DPEP3: variants seen among roughly 807,000 people sequenced by gnomAD.
The protein encoded by DPEP3 is membrane-bound dipeptidase 3.
DPEP3 carries 42 observed loss-of-function variants against 47.5 expected under a neutral mutation model. That is an observed-to-expected ratio of 0.88 (90% confidence interval 0.69 to 1.14). The LOEUF (loss-of-function observed/expected upper bound fraction) is 1.14, where lower values mean the gene tolerates loss of function less well. DPEP3 is among the 50% of genes most tolerant of loss of function. The pLI, the probability that DPEP3 is intolerant of heterozygous loss-of-function variation, is 0.00. For synonymous variants in DPEP3, 276 were observed against 270.2 expected (o/e 1.02, Z -0.21); for missense variants, 560 against 635.0 (o/e 0.88, Z 1.27).
Position 67,979,782 on chromosome 16 carries a change from C to A in DPEP3, c.288-17G>T. 5.6e-6 allele frequency: 9 copies of A among 1,613,140 alleles called. No homozygotes were observed. The highest frequency in any genetic ancestry group is 7.6e-6 in the Non-Finnish European group (9 of 1,179,676). On this transcript the variant is annotated splice_polypyrimidine_tract_variant and intron_variant, in intron 1 of 9. Coordinates refer to ENST00000268793, the MANE Select transcript of DPEP3 (RefSeq NM_001370198.1). ...TCATTGTGGCTGGGGGTGTGAAGGTCAGATGGAAACACCGCCTCCAGATCA... is the reference window on the plus strand; with the variant it reads ...TCATTGTGGCTGGGGGTGTGAAGGTAAGATGGAAACACCGCCTCCAGATCA...
At position 67,976,646 on chromosome 16, in the gene DPEP3, TA is replaced by T. The variant is rs935026329; in HGVS notation, c.1094+53del. The T allele has an allele frequency of 8.9e-5, 139 of 1,557,862 alleles. No homozygotes were observed. The African/African-American group carries it at 1.6e-3, about 18-fold the overall frequency. On this transcript the variant is annotated intron_variant, in intron 8 of 9. Transcript: ENST00000268793. ...AGGACGTCAGGATGGGAATGAAGAC[TA>T]AAGGACTCCCTGCTGCACCCCAGCC...
Position 67,979,762 on chromosome 16 carries a change from G to A in DPEP3, c.291C>T (p.His97=), listed in dbSNP as rs1311409075. The A allele has an allele frequency of 6.2e-7, 1 of 1,613,792 alleles. No homozygotes were observed. Among genetic ancestry groups the A allele is most frequent in the Non-Finnish European group, 8.5e-7 (1 of 1,179,848 alleles). ...GTCTCAGGACCTGGGGCAGGTCATT[G>A]TGGCTGGGGGTGTGAAGGTCAGATG... ...LMRSFPLVDG[H]NDLPQVLRQR... Residue 97 remains histidine, a synonymous_variant, in exon 2 of 10, where the codon CAC becomes CAT. Coordinates refer to ENST00000268793, the MANE Select transcript of DPEP3 (RefSeq NM_001370198.1).
In DPEP3 at chr16:67,978,531, G is replaced by A; in HGVS notation, c.510C>T (p.Ser170=). The A allele has an allele frequency of 1.2e-6, 2 of 1,614,130 alleles. No individual in the cohort carries two copies. Among genetic ancestry groups the A allele is most frequent in the Non-Finnish European group, 1.7e-6 (2 of 1,179,996 alleles). The change falls in exon 3 of 10, where the codon TCC becomes TCT. Residue 170 remains serine, a synonymous_variant. Transcript: ENST00000268793. The surrounding 1 kb of genome is among the most constrained non-coding windows in gnomAD (Gnocchi z 4.4). ...QIDLIHRMCA[S]YSELELVTSA... is the part of the protein sequence containing the mutation. ...AGGTCACAAGCTCGAGTTCAGAGTA[G>A]GAGGCACACATGCGGTGAATGAGGT...
At chr16:67,979,872 C>A (rs2031284916) in intron 1 of DPEP3, 107 bp from the exon 2 acceptor site, 4 of 1,500,812 alleles carry the variant, frequency 2.7e-6, no homozygotes, top group Admixed American at 2.1e-5. Flanking sequence ...CTCACACAGA[C>A]CATATAGAGA....
chr16:67,980,386 G>T lies in DPEP3; in HGVS notation c.-6C>A. ...TCGCGGCCCGTGGGCTGCATGTTGC[G>T]CGGGGGTCGGCCGCGGGAGCCTGGG... On this transcript the variant is annotated 5_prime_UTR_variant, in exon 1 of 10. Coordinates refer to ENST00000268793, the MANE Select transcript of DPEP3 (RefSeq NM_001370198.1). 1 of 1,515,988 alleles carries T rather than the reference G, an allele frequency of 6.6e-7. No homozygotes were observed. The highest frequency in any genetic ancestry group is 8.8e-7 in the Non-Finnish European group (1 of 1,131,908). The allele number at this position is 1,515,988 out of a possible 1,614,324, so 93.9% of individuals were successfully genotyped here.
chr16:67,977,928 G>A lies in DPEP3; in HGVS notation c.756+10C>T, dbSNP rs753964540. Reference sequence around the variant, plus strand: ...GCAGGTGGGTTGGGGTACAAAACAGGAGTCCTCACCTCACCAAAGCTTGTC... The same window carrying A: ...GCAGGTGGGTTGGGGTACAAAACAGAAGTCCTCACCTCACCAAAGCTTGTC... On this transcript the variant is annotated intron_variant, in intron 5 of 9. Transcript: ENST00000268793. The A allele has an allele frequency of 6.2e-7, 1 of 1,613,954 alleles. No homozygotes were observed. Among genetic ancestry groups the A allele is most frequent in the Admixed American group, 1.7e-5 (1 of 60,018 alleles).
At position 67,977,639 on chromosome 16, in the gene DPEP3, G is replaced by T; in HGVS notation, c.933+14C>A. ...TAACACATGCCTAGTTTGAGAGCTG[G>T]GATGGCCACTCACCAGAAGCTGCAG... On this transcript the variant is annotated intron_variant, in intron 6 of 9. Transcript: ENST00000268793. 1 of 1,606,392 alleles carries T rather than the reference G, an allele frequency of 6.2e-7. No homozygotes were observed. The highest frequency in any genetic ancestry group is 8.5e-7 in the Non-Finnish European group (1 of 1,176,420).
Position 67,979,832 on chromosome 16 carries a change from T to C in DPEP3, c.288-67A>G, listed in dbSNP as rs547718736. ...AGTCAGGATATATCAGGTGCTTGGG[T>C]CTACCCTCCTCCACCCCACCAGGCA... On this transcript the variant is annotated intron_variant, in intron 1 of 9. Coordinates refer to ENST00000268793, the MANE Select transcript of DPEP3 (RefSeq NM_001370198.1). The C allele has an allele frequency of 1.0e-4, 162 of 1,585,880 alleles. 1 individual carries two copies. In the East Asian group the frequency reaches 3.6e-3, roughly 35 times the overall value.
rs748004903 is a variant in DPEP3, at chr16:67,977,670, C to T, written c.916G>A (p.Asp306Asn). 1 of 1,611,646 alleles carries T rather than the reference C, an allele frequency of 6.2e-7. No individual in the cohort carries two copies. The highest frequency in any genetic ancestry group is 8.5e-7 in the Non-Finnish European group (1 of 1,178,928). ...CCACTCACCAGAAGCTGCAGGATAT[C>T]ATCGGGAACATTCAACAAATTGTCA... The part of the protein sequence containing the change: ...VCDNLLNVPD[D>N]ILQLLKKNGG... Residue 306 changes from aspartate to asparagine, a missense_variant, in exon 6 of 10, where the codon GAT becomes AAT. By Grantham distance (23) the Asp-to-Asn change is conservative. Coordinates refer to ENST00000268793, the MANE Select transcript of DPEP3 (RefSeq NM_001370198.1).
rs199987960 is a variant in DPEP3, at chr16:67,975,917, C to T, written c.1315G>A (p.Val439Met). The T allele has an allele frequency of 1.2e-4, 192 of 1,613,912 alleles. No individual in the cohort carries two copies. The highest frequency in any genetic ancestry group is 1.0e-3 in the African/African-American group (75 of 75,054). ...GTAGCCTGGTGTCCATTCTGAGGCA[C>T]GAGGTGGGAGTGGCAGGATGTGCTC... ...QLSTSCHSHL[V>M]PQNGHQATHL... The change falls in exon 10 of 10, where the codon GTG becomes ATG. Residue 439 changes from valine to methionine, a missense_variant. By Grantham distance (21) the Val-to-Met change is conservative (BLOSUM62 1). Coordinates refer to ENST00000268793, the MANE Select transcript of DPEP3 (RefSeq NM_001370198.1).
Position 67,980,385 on chromosome 16 carries a change from C to T in DPEP3, c.-5G>A. The T allele has an allele frequency of 2.0e-6, 3 of 1,517,358 alleles. No individual in the cohort carries two copies. Among genetic ancestry groups the T allele is most frequent in the African/African-American group, 2.8e-5 (2 of 71,276 alleles). The allele number at this position is 1,517,358 out of a possible 1,614,324, so 94.0% of individuals were successfully genotyped here. The stretch of plus-strand genomic sequence containing the variant: ...CTCGCGGCCCGTGGGCTGCATGTTG[C>T]GCGGGGGTCGGCCGCGGGAGCCTGG... On this transcript the variant is annotated 5_prime_UTR_variant, in exon 1 of 10. Transcript: ENST00000268793.
intron 2 of DPEP3, among the ~76,000 whole-genome samples, chr16:67,979,090 A>T (rs1347336414): frequency 6.6e-6 from 1 of 152,194 alleles, no homozygotes; most frequent in Non-Finnish European, 1.5e-5. Flanking sequence ...GGATCATGTG[A>T]GGTCAGGAGT....
chr16:67,980,207 C>A lies in DPEP3; in HGVS notation c.174G>T (p.Pro58=), dbSNP rs373192732. 1.2e-6 allele frequency: 2 copies of A among 1,609,830 alleles called. No individual in the cohort carries two copies. Among genetic ancestry groups the A allele is most frequent in the East Asian group, 2.2e-5 (1 of 44,832 alleles). Residue 58 remains proline, a synonymous_variant, in exon 1 of 10, where the codon CCG becomes CCT. Transcript: ENST00000268793. The stretch of plus-strand genomic sequence containing the variant: ...GGGTAGTGAGGGCGCTGGGGACACC[C>A]GGCGTGGTGAAGAGGCTGGGGGAGC... ...TLGSPSLFTT[P]GVPSALTTPG... is the part of the protein sequence containing the mutation.
Position 67,976,011 on chromosome 16 carries a change from G to A in DPEP3, c.1231-10C>T. The A allele has an allele frequency of 6.2e-7, 1 of 1,613,574 alleles. No homozygotes were observed. Among genetic ancestry groups the A allele is most frequent in the Non-Finnish European group, 8.5e-7 (1 of 1,179,542 alleles). Reference sequence around the variant, plus strand: ...TGCTCTCCTCTCTCACCTGGGGGAGGAAGTCCGCAGTCAGAGGCTCCCACA... The same window carrying A: ...TGCTCTCCTCTCTCACCTGGGGGAGAAAGTCCGCAGTCAGAGGCTCCCACA... On this transcript the variant is annotated splice_polypyrimidine_tract_variant and intron_variant, in intron 9 of 9. Transcript: ENST00000268793.
rs75651517 is a variant in DPEP3, at chr16:67,977,662, C to T, written c.924G>A (p.Leu308=). The T allele has an allele frequency of 1.9e-6, 3 of 1,610,932 alleles. No individual in the cohort carries two copies. The highest frequency in any genetic ancestry group is 2.2e-5 in the South Asian group (2 of 90,366). The change falls in exon 6 of 10, where the codon CTG becomes CTA. Residue 308 remains leucine, a synonymous_variant. Coordinates refer to ENST00000268793, the MANE Select transcript of DPEP3 (RefSeq NM_001370198.1). ...TGGGATGGCCACTCACCAGAAGCTG[C>T]AGGATATCATCGGGAACATTCAACA... is the stretch of plus-strand genomic sequence containing the variant. The part of the protein sequence containing the change: ...DNLLNVPDDI[L]QLLKKNGGIV...
intron 6 of DPEP3, 140 bp downstream of exon 6, chr16:67,977,513 G>T: frequency 7.7e-7 from 1 of 1,295,168 alleles, no homozygotes; most frequent in Non-Finnish European, 1.1e-6. Context: ...AAATTACTTG[G>T]CCTTAAGTTT....
At chr16:67,979,796 G>A (rs765651671) in intron 1 of DPEP3, 31 bp from the exon 2 acceptor site, 54 of 1,611,988 alleles carry the variant, frequency 3.3e-5, no homozygotes, top group Admixed American at 8.4e-5. Flanking sequence ...TGGAAACACC[G>A]CCTCCAGATC....
chr16:67,979,097 G>A (rs768559879), intron 2 of DPEP3, among the ~76,000 whole-genome samples: 30 of 152,210 alleles, frequency 2.0e-4, no homozygotes, highest in Non-Finnish European at 3.7e-4. Context: ...GTGAGGTCAG[G>A]AGTTCGAGAC....
In DPEP3 at chr16:67,975,900, G is replaced by C. The variant is rs150149313; in HGVS notation, c.1332C>G (p.His444Gln). The change falls in exon 10 of 10, where the codon CAC becomes CAG. Residue 444 changes from histidine to glutamine, a missense_variant. Transcript: ENST00000268793. ...CHSHLVPQNG[H>Q]QATHLEVTKQ... Reference sequence around the variant, plus strand: ...TGGTCACCTCCAGATGAGTAGCCTGGTGTCCATTCTGAGGCACGAGGTGGG... The same window carrying C: ...TGGTCACCTCCAGATGAGTAGCCTGCTGTCCATTCTGAGGCACGAGGTGGG... 2.6e-5 allele frequency: 42 copies of C among 1,613,920 alleles called. No individual in the cohort carries two copies. The highest frequency in any genetic ancestry group is 3.4e-5 in the Non-Finnish European group (40 of 1,179,842).
Sources: gnomAD v4.1 joint callset for allele counts (sites outside exome capture counted in the v4.1 genomes callset) on GRCh38, gnomAD v4.1.1 for gene constraint, Gnocchi (gnomAD v3.1) non-coding constraint, MANE v1.5 for transcripts, NCBI Gene and HGNC (gene_info 2026-07-23, HGNC 2026-07-21) for gene names.